Variants in NKAIN3 observed in about 807,000 individuals in gnomAD.
NKAIN3 encodes sodium/potassium-transporting ATPase subunit beta-1-interacting protein 3.
NKAIN3 carries 25 observed loss-of-function variants against 30.2 expected under a neutral mutation model. The ratio of observed to expected loss-of-function variants is 0.83; its 90% CI spans 0.60 to 1.16. The LOEUF is 1.16. Among genes scored for constraint, NKAIN3 ranks in the 50% most tolerant of loss-of-function variants. The pLI is 0.00. For missense variants in NKAIN3, 225 were observed against 254.1 expected (o/e 0.89, Z 0.78); for synonymous variants, 91 against 89.6 (o/e 1.02, Z -0.09).
intron 3 of NKAIN3, among the ~76,000 whole-genome samples, chr8:62,622,478 C>A (rs1320880431): frequency 1.3e-5 from 2 of 151,994 alleles, no homozygotes; most frequent in Non-Finnish European, 2.9e-5. Context: ...TTTAGCTGTT[C>A]TAATAGGTGT....
At chr8:62,928,277 A>AT (rs1325194068) in intron 5 of NKAIN3, among the ~76,000 whole-genome samples, 1 of 152,146 alleles carries the variant, frequency 6.6e-6, no homozygotes, top group Non-Finnish European at 1.5e-5. Flanking sequence ...TAGTGTTTCC[A>AT]TTTTATCCAC....
chr8:62,423,295 C>T (rs911867155), intron 1 of NKAIN3, among the ~76,000 whole-genome samples: 1 of 151,786 alleles, frequency 6.6e-6, no homozygotes, highest in Non-Finnish European at 1.5e-5. Flanking sequence ...AGTCATAGTC[C>T]CTTACTCATC....
chr8:62,689,176 A>G (rs992678474), intron 3 of NKAIN3, among the ~76,000 whole-genome samples: 1 of 152,196 alleles, frequency 6.6e-6, no homozygotes, highest in Non-Finnish European at 1.5e-5. Context: ...TTGAGTTTCT[A>G]AGTTTCTCCT....
chr8:62,591,753 T>C (rs552832315), intron 3 of NKAIN3, among the ~76,000 whole-genome samples: 6 of 152,130 alleles, frequency 3.9e-5, no homozygotes, highest in African/African-American at 1.4e-4. Context: ...AGATTTTCTG[T>C]TGGTCTCCTA....
At chr8:62,309,375 C>G (rs1210112029) in intron 1 of NKAIN3, among the ~76,000 whole-genome samples, 1 of 150,478 alleles carries the variant, frequency 6.6e-6, no homozygotes, top group African/African-American at 2.5e-5. Context: ...TGCCTGAATA[C>G]TTCCTATTTT....
intron 4 of NKAIN3, among the ~76,000 whole-genome samples, chr8:62,785,969 G>A (rs1817503533): frequency 6.6e-6 from 1 of 152,084 alleles, no homozygotes; most frequent in Admixed American, 6.6e-5. Flanking sequence ...ACAGCCAGGT[G>A]TTCTCCATGG....
At chr8:62,255,188 A>G (rs1812228234) in intron 1 of NKAIN3, among the ~76,000 whole-genome samples, 1 of 152,232 alleles carries the variant, frequency 6.6e-6, no homozygotes, top group Admixed American at 6.5e-5. Context: ...CACAGAGGAA[A>G]GACACTGGGA....
intron 5 of NKAIN3, among the ~76,000 whole-genome samples, chr8:62,991,675 C>T (rs1824323325): frequency 6.6e-6 from 1 of 152,156 alleles, no homozygotes; most frequent in Non-Finnish European, 1.5e-5. Context: ...TAAATGGTTA[C>T]ATTAAAGAGC....
At chr8:62,920,966 T>C (rs1326217322) in intron 5 of NKAIN3, among the ~76,000 whole-genome samples, 1 of 152,166 alleles carries the variant, frequency 6.6e-6, no homozygotes, top group Non-Finnish European at 1.5e-5. Flanking sequence ...AAAGTGCAGA[T>C]GTAATTAAGT....
At chr8:62,374,137 A>AG (rs1816999510) in intron 1 of NKAIN3, among the ~76,000 whole-genome samples, 1 of 149,556 alleles carries the variant, frequency 6.7e-6, no homozygotes, top group Non-Finnish European at 1.5e-5. Flanking sequence ...AAAAAAAAAA[A>AG]GAGAAGACAG....
At chr8:62,851,730 T>C (rs1244824787) in intron 4 of NKAIN3, among the ~76,000 whole-genome samples, 2 of 152,224 alleles carry the variant, frequency 1.3e-5, no homozygotes, top group African/African-American at 4.8e-5. Flanking sequence ...GGTTTTTTCA[T>C]TGGTTCTGTT....
rs193233295 is a variant in NKAIN3, at chr8:62,881,423, C to A, written c.472-37030C>A. Among the ~76,000 whole-genome samples the A allele has an allele frequency of 1.1e-3, 174 of 152,264 alleles. 1 individual carries two copies. The highest frequency in any genetic ancestry group is 3.4e-3 in the Middle Eastern group (1 of 294). On this transcript the variant is annotated intron_variant, in intron 4 of 6. Transcript: ENST00000623646. ...CTAGCTCCTTTCACTTAGTAATGTG[C>A]ACTTAAGTTTCCTCCATGTCTTTTT...
chr8:62,755,483 T>C (rs1563547699), intron 4 of NKAIN3, among the ~76,000 whole-genome samples: 1 of 152,238 alleles, frequency 6.6e-6, no homozygotes, highest in Non-Finnish European at 1.5e-5. Flanking sequence ...CATTGTTGTT[T>C]ATTTTTTAAA....
chr8:62,278,113 G>A (rs1385252661), intron 1 of NKAIN3, among the ~76,000 whole-genome samples: 1 of 152,148 alleles, frequency 6.6e-6, no homozygotes, highest in East Asian at 1.9e-4. Context: ...TATGACCTGG[G>A]CCGCCACACA....
At chr8:62,597,605 C>G (rs868172048) in intron 3 of NKAIN3, among the ~76,000 whole-genome samples, 1 of 151,880 alleles carries the variant, frequency 6.6e-6, no homozygotes, top group African/African-American at 2.4e-5. Context: ...TTACCAATAA[C>G]TGACCAATGG....
downstream of NKAIN3, among the ~76,000 whole-genome samples, chr8:62,988,760 T>C (rs556993804): frequency 1.2e-3 from 187 of 152,358 alleles, no homozygotes; most frequent in African/African-American, 4.0e-3. Flanking sequence ...CTCATTGTCT[T>C]AGTGATTAGC....
chr8:62,674,572 T>C (rs1251120686), intron 3 of NKAIN3, among the ~76,000 whole-genome samples: 2 of 152,140 alleles, frequency 1.3e-5, no homozygotes, highest in African/African-American at 2.4e-5. Context: ...ACGTAATAAA[T>C]GGCAAGGAAG....
chr8:62,909,315 A>C (rs535441915), intron 4 of NKAIN3, among the ~76,000 whole-genome samples: 10 of 152,338 alleles, frequency 6.6e-5, no homozygotes, highest in African/African-American at 2.2e-4. Context: ...TATATCAAAG[A>C]AGATGGAATG....
chr8:62,780,717 C>G (rs1817330270), intron 4 of NKAIN3, among the ~76,000 whole-genome samples: 1 of 152,018 alleles, frequency 6.6e-6, no homozygotes, highest in South Asian at 2.1e-4. Flanking sequence ...GCAGAAAAAG[C>G]ATTTGATAAA....
Sources: gnomAD v4.1 joint callset for allele counts (sites outside exome capture counted in the v4.1 genomes callset) on GRCh38, gnomAD v4.1.1 for gene constraint, MANE v1.5 for transcripts, NCBI Gene and HGNC (gene_info 2026-07-23, HGNC 2026-07-21) for gene names.